GNE: variants seen among roughly 807,000 people sequenced by gnomAD.
The protein encoded by GNE is glucosamine (UDP-N-acetyl)-2-epimerase/N-acetylmannosamine kinase.
GNE carries 41 observed loss-of-function variants against 61.8 expected under a neutral mutation model. The ratio of observed to expected loss-of-function variants is 0.66; its 90% CI spans 0.52 to 0.86. The LOEUF is 0.86. Ranked by LOEUF, GNE falls within the 40% of genes least tolerant of loss-of-function variation. The pLI is 0.00. For missense variants in GNE, 608 were observed against 909.1 expected (o/e 0.67, Z 4.26); for synonymous variants, 264 against 326.4 (o/e 0.81, Z 2.06).
chr9:36,270,809 G>T (rs182744265), intron 1 of GNE, among the ~76,000 whole-genome samples: 1 of 152,128 alleles, frequency 6.6e-6, no homozygotes, highest in Non-Finnish European at 1.5e-5. Context: ...GAGCCACCAC[G>T]CCCGGCCTGA....
At chr9:36,266,423 A>G (rs759194168) in intron 1 of GNE, among the ~76,000 whole-genome samples, 3 of 152,244 alleles carry the variant, frequency 2.0e-5, no homozygotes, top group Non-Finnish European at 4.4e-5. Context: ...TTATGAGGCT[A>G]CACTACATGG....
At position 36,216,511 on chromosome 9, in the gene GNE, T is replaced by G. The variant is rs751782293; in HGVS notation, c.*854A>C. 5.4e-5 allele frequency: 13 copies of G among 241,682 alleles called. No individual in the cohort carries two copies. The highest frequency in any genetic ancestry group is 9.4e-5 in the Non-Finnish European group (11 of 116,538). The allele number at this position is 241,682 out of a possible 1,614,324, so 15.0% of individuals were successfully genotyped here. A position where few individuals can be genotyped will look rare whatever the true frequency, so the allele number is the denominator to read the frequency against. On this transcript the variant is annotated 3_prime_UTR_variant, in exon 12 of 12. Coordinates refer to ENST00000642385, the MANE Select transcript of GNE (RefSeq NM_005476.7). ...CCACCACGCCCGGCTAATTTTTGTA[T>G]TTTAGTAGAGATGGGGTTTCACCAT...
intron 1 of GNE, chr9:36,264,879 G>A (rs56701508): frequency 0.11 from 16,587 of 156,896 alleles, 1,236 homozygotes; most frequent in African/African-American, 0.19. Flanking sequence ...AGCCGGCAAC[G>A]GCTACCCTCT....
In GNE at chr9:36,249,351, T is replaced by C. The variant is rs1830025657; in HGVS notation, c.5A>G (p.Glu2Gly). 5 of 1,613,692 alleles carry C rather than the reference T, an allele frequency of 3.1e-6. No homozygotes were observed. The highest frequency in any genetic ancestry group is 2.2e-5 in the South Asian group (2 of 91,056). The part of the protein sequence containing the change: M[E>G]KNGNNRKLRV... Reference sequence around the variant, plus strand: ...CAGCTTTCGGTTATTTCCATTCTTCTCCATGATTTGCTTGTTTCGTTTTGA... The same window carrying C: ...CAGCTTTCGGTTATTTCCATTCTTCCCCATGATTTGCTTGTTTCGTTTTGA... The change falls in exon 2 of 12, where the codon GAG becomes GGG. Residue 2 changes from glutamate to glycine, a missense_variant. Transcript: ENST00000642385.
chr9:36,265,588 C>A (rs1830749190), intron 1 of GNE: 5 of 405,728 alleles, frequency 1.2e-5, no homozygotes, highest in South Asian at 8.6e-5. Context: ...AGTATCTCAC[C>A]CCATACTGTA....
At chr9:36,269,664 CT>C (rs71336438) in intron 1 of GNE, among the ~76,000 whole-genome samples, 55 of 134,300 alleles carry the variant, frequency 4.1e-4, no homozygotes, top group East Asian at 8.5e-4. Flanking sequence ...TTTCTTCTTT[CT>C]TTTTTTTTTT....
intron 2 of GNE, among the ~76,000 whole-genome samples, chr9:36,247,724 T>C (rs1016406840): frequency 6.6e-6 from 1 of 152,010 alleles, no homozygotes; most frequent in African/African-American, 2.4e-5. Context: ...CCAGAATTCA[T>C]TTTATATTAA....
chr9:36,229,942 TCTC>T (rs1458376008), intron 5 of GNE, among the ~76,000 whole-genome samples: 1 of 151,584 alleles, frequency 6.6e-6, no homozygotes, highest in Non-Finnish European at 1.5e-5. Context: ...ATGGTTCAAT[TCTC>T]CTTTCACTTT....
At chr9:36,233,539 C>T (rs1474828775) in intron 5 of GNE, among the ~76,000 whole-genome samples, 1 of 152,026 alleles carries the variant, frequency 6.6e-6, no homozygotes, top group African/African-American at 2.4e-5. Context: ...TGGTGGCTGA[C>T]GCCTGTAGTC....
intron 1 of GNE, among the ~76,000 whole-genome samples, chr9:36,266,705 C>A (rs1417782600): frequency 6.6e-6 from 1 of 152,048 alleles, no homozygotes; most frequent in Admixed American, 6.6e-5. Flanking sequence ...GTCAGGAGAT[C>A]GAGACCATCC....
At chr9:36,258,768 T>A (rs1830506965), upstream of GNE, among the ~76,000 whole-genome samples, 1 of 152,248 alleles carries the variant, frequency 6.6e-6, no homozygotes, top group Non-Finnish European at 1.5e-5. Context: ...GTTTTGGTCT[T>A]GCACCCAAGG....
chr9:36,234,681 G>A (rs1829320818), intron 4 of GNE, among the ~76,000 whole-genome samples: 1 of 152,118 alleles, frequency 6.6e-6, no homozygotes. Context: ...ACATGAAGGG[G>A]AGGCAATATT....
intron 6 of GNE, among the ~76,000 whole-genome samples, chr9:36,228,808 A>AG (rs1237696352): frequency 1.3e-5 from 2 of 151,454 alleles, no homozygotes; most frequent in Non-Finnish European, 2.9e-5. Flanking sequence ...AAAAAAAAAA[A>AG]AAAAAGAAAT....
intron 1 of GNE, chr9:36,264,858 C>T (rs1180424043): frequency 6.4e-6 from 1 of 156,626 alleles, no homozygotes; most frequent in Non-Finnish European, 1.4e-5. Flanking sequence ...GGATATAAAG[C>T]CAGGCATTCC....
rs577404370 is a variant in GNE at position 36,254,274 on chromosome 9, C to T, written c.-43+4047G>A. Among the ~76,000 whole-genome samples the T allele has an allele frequency of 1.8e-3, 271 of 152,052 alleles. No homozygotes were observed. In the Middle Eastern group the frequency reaches 0.02, roughly 11 times the overall value. On this transcript the variant is annotated intron_variant, in intron 1 of 11. Coordinates refer to ENST00000642385, the MANE Select transcript of GNE (RefSeq NM_005476.7). ...GGACATGGTGGCTCATGCCTGTAAT[C>T]CCAGCACTTTGGGAGGCTGAGGCAA...
chr9:36,268,306 C>T (rs1436375714), intron 1 of GNE, among the ~76,000 whole-genome samples: 1 of 152,132 alleles, frequency 6.6e-6, no homozygotes, highest in South Asian at 2.1e-4. Flanking sequence ...AACTAGTTTG[C>T]CTTTAACTTT....
In GNE at chr9:36,216,666, TTATTATTTATTA is replaced by T. The variant is rs1563924840; in HGVS notation, c.*687_*698del. The T allele has an allele frequency of 1.9e-5, 2 of 103,376 alleles. No individual in the cohort carries two copies. The highest frequency in any genetic ancestry group is 6.6e-5 in the African/African-American group (2 of 30,408). 6.4% of individuals were successfully genotyped at this position (103,376 alleles called of 1,614,324 possible). On this transcript the variant is annotated 3_prime_UTR_variant, in exon 12 of 12. Coordinates refer to ENST00000642385, the MANE Select transcript of GNE (RefSeq NM_005476.7). ...ATTATTATTATTATTATTATTATTATTATTATTTATTATTATTATTTTTGAGATGGAGTCTTG... is the reference window on the plus strand; with the variant it reads ...ATTATTATTATTATTATTATTATTATTTATTATTTTTGAGATGGAGTCTTG...
Position 36,227,254 on chromosome 9 carries a change from G to A in GNE, c.1275C>T (p.Ser425=). ...AGTTTAGGAGTTATTTTACCTTCAT[G>A]CTGACTATTGCAACTCGGAGGTTCG... ...GGTNLRVAIV[S]MKGEIVKKYT... Residue 425 remains serine, a synonymous_variant, in exon 7 of 12, where the codon AGC becomes AGT. Coordinates refer to ENST00000642385, the MANE Select transcript of GNE (RefSeq NM_005476.7). 2.5e-6 allele frequency: 4 copies of A among 1,606,334 alleles called. No individual in the cohort carries two copies. Among genetic ancestry groups the A allele is most frequent in the Non-Finnish European group, 3.4e-6 (4 of 1,173,042 alleles).
intron 1 of GNE, among the ~76,000 whole-genome samples, chr9:36,270,663 G>A (rs897053223): frequency 1.3e-4 from 20 of 151,960 alleles, no homozygotes; most frequent in East Asian, 1.9e-4. Context: ...GACTGCAGGC[G>A]CCCGCCACCG....
Sources: allele counts gnomAD v4.1 joint callset (sites outside exome capture counted in the v4.1 genomes callset), GRCh38; gene constraint gnomAD v4.1.1; transcripts MANE v1.5; gene names NCBI Gene and HGNC (gene_info 2026-07-23, HGNC 2026-07-21).